Variants in PRKG1 observed in about 807,000 individuals in gnomAD.
PRKG1 encodes the protein protein kinase cGMP-dependent 1.
Under a neutral mutation model 88.1 loss-of-function variants are expected in PRKG1, and 35 were observed. The ratio of observed to expected loss-of-function variants is 0.40; its 90% CI spans 0.30 to 0.53. The LOEUF (loss-of-function observed/expected upper bound fraction) is 0.53, where lower values mean the gene tolerates loss of function less well. Ranked by LOEUF, PRKG1 falls within the 20% of genes least tolerant of loss-of-function variation. PRKG1 has a pLI of 0.59. For synonymous variants in PRKG1, 303 were observed against 292.5 expected, an observed-to-expected ratio of 1.04 and a Z score of -0.37; for missense variants, 540 against 839.8, an observed-to-expected ratio of 0.64 and a Z score of 4.41.
At chr10:51,268,433 G>A (rs182275818) in intron 2 of PRKG1, among the ~76,000 whole-genome samples, 365 of 152,152 alleles carry the variant, frequency 2.4e-3, no homozygotes, top group African/African-American at 7.8e-3. Context: ...CCCCTGAAGC[G>A]GCCATTTCAG....
Position 51,554,087 on chromosome 10 carries a change from A to ATGTGTATATATTATATGTG in PRKG1, c.592+86251_592+86252insTGTGTATATATTATATGTG, listed in dbSNP as rs1837231808. Reference sequence around the variant, plus strand: ...TATATATTATATGTGCGTATGTGATACGTGTATATATTATATGTGCGTATG... The same window carrying ATGTGTATATATTATATGTG: ...TATATATTATATGTGCGTATGTGATATGTGTATATATTATATGTGCGTGTATATATTATATGTGCGTATG... On this transcript the variant is annotated intron_variant, in intron 3 of 17. Coordinates refer to ENST00000373980, the MANE Select transcript of PRKG1 (RefSeq NM_006258.4). 2.3e-5 allele frequency among the ~76,000 whole-genome samples: 3 copies of ATGTGTATATATTATATGTG among 132,296 alleles called. 1 individual carries two copies. The highest frequency in any genetic ancestry group is 3.2e-5 in the Non-Finnish European group (2 of 63,062). 86.8% of individuals were successfully genotyped at this position (132,296 alleles called of 152,430 possible).
chr10:51,399,336 C>A (rs1037166503), intron 2 of PRKG1, among the ~76,000 whole-genome samples: 1 of 151,966 alleles, frequency 6.6e-6, no homozygotes, highest in Admixed American at 6.6e-5. Flanking sequence ...TCTGTTTCTC[C>A]GGAGAACTCA....
intron 3 of PRKG1, among the ~76,000 whole-genome samples, chr10:51,481,739 ATTT>A (rs11361028): frequency 7.5e-5 from 11 of 146,172 alleles, no homozygotes; most frequent in African/African-American, 2.5e-4. Context: ...AAAAAGGCTC[ATTT>A]TTTTTTTTTT....
intron 4 of PRKG1, among the ~76,000 whole-genome samples, chr10:51,815,250 A>G (rs1474779434): frequency 6.6e-6 from 1 of 152,166 alleles, no homozygotes; most frequent in Non-Finnish European, 1.5e-5. Context: ...GGCTTATTTT[A>G]TTTCTGTATC....
intron 4 of PRKG1, among the ~76,000 whole-genome samples, chr10:51,881,062 G>A (rs1184274547): frequency 6.6e-6 from 1 of 151,838 alleles, no homozygotes; most frequent in Admixed American, 6.6e-5. Context: ...GTGGGGGAGG[G>A]GCCTCTGGAA....
intron 3 of PRKG1, among the ~76,000 whole-genome samples, chr10:51,499,163 C>T (rs1270214533): frequency 6.6e-6 from 1 of 152,186 alleles, no homozygotes; most frequent in African/African-American, 2.4e-5. Flanking sequence ...TGAGATTCCT[C>T]TGGGAGTTGG....
chr10:52,215,974 T>G (rs749145952), intron 9 of PRKG1, among the ~76,000 whole-genome samples: 1 of 152,086 alleles, frequency 6.6e-6, no homozygotes, highest in Non-Finnish European at 1.5e-5. Flanking sequence ...CTCATCCTCA[T>G]AGAATTGTTC....
intron 2 of PRKG1, among the ~76,000 whole-genome samples, chr10:51,239,127 G>A (rs1839082891): frequency 6.6e-6 from 1 of 152,086 alleles, no homozygotes; most frequent in African/African-American, 2.4e-5. Context: ...CTGCTCTGTA[G>A]AAGTAAATTA....
intron 3 of PRKG1, among the ~76,000 whole-genome samples, chr10:51,545,719 G>A (rs1842428839): frequency 2.0e-5 from 3 of 152,086 alleles, no homozygotes; most frequent in South Asian, 2.1e-4. Context: ...ATGTACAAAT[G>A]AGTTTCTTTA....
intron 4 of PRKG1, among the ~76,000 whole-genome samples, chr10:51,883,301 C>T (rs1841482482): frequency 6.6e-6 from 1 of 152,226 alleles, no homozygotes; most frequent in South Asian, 2.1e-4. Context: ...GTGGGGCTCT[C>T]AGTCTCCATA....
At chr10:52,204,896 T>C (rs1839776061) in intron 9 of PRKG1, among the ~76,000 whole-genome samples, 1 of 152,172 alleles carries the variant, frequency 6.6e-6, no homozygotes, top group Admixed American at 6.5e-5. Flanking sequence ...GACAGAGCCA[T>C]ATTTCTCTTA....
At chr10:51,660,810 C>G (rs1840280063) in intron 3 of PRKG1, among the ~76,000 whole-genome samples, 1 of 152,002 alleles carries the variant, frequency 6.6e-6, no homozygotes, top group African/African-American at 2.4e-5. Flanking sequence ...AAAAGGGTTG[C>G]ATGCAGTTAT....
intron 1 of PRKG1, among the ~76,000 whole-genome samples, chr10:51,056,884 T>G (rs1843631890): frequency 6.6e-6 from 1 of 152,190 alleles, no homozygotes. Flanking sequence ...CTCAAAAATC[T>G]TCCTTTTCTT....
intron 3 of PRKG1, among the ~76,000 whole-genome samples, chr10:51,706,928 G>A (rs1408866885): frequency 6.6e-6 from 1 of 152,136 alleles, no homozygotes; most frequent in African/African-American, 2.4e-5. Context: ...AGTAATAGTA[G>A]ATGAAGTAGC....
At chr10:51,780,434 T>C (rs1838557112) in intron 3 of PRKG1, among the ~76,000 whole-genome samples, 1 of 152,132 alleles carries the variant, frequency 6.6e-6, no homozygotes, top group African/African-American at 2.4e-5. Flanking sequence ...TATTTTTCTG[T>C]CTTCAGTATT....
chr10:52,151,814 A>G (rs185382881), intron 8 of PRKG1, among the ~76,000 whole-genome samples: 104 of 152,312 alleles, frequency 6.8e-4, no homozygotes, highest in Non-Finnish European at 9.7e-4. Context: ...CTGAGATTTG[A>G]TTCTAATTTC....
At chr10:51,517,735 G>A (rs1368058095) in intron 3 of PRKG1, among the ~76,000 whole-genome samples, 1 of 152,008 alleles carries the variant, frequency 6.6e-6, no homozygotes, top group African/African-American at 2.4e-5. Context: ...ATTAGATTTT[G>A]ACTAATGTAT....
At chr10:51,551,411 A>G (rs1008625416) in intron 3 of PRKG1, among the ~76,000 whole-genome samples, 2 of 151,894 alleles carry the variant, frequency 1.3e-5, no homozygotes, top group African/African-American at 2.4e-5. Flanking sequence ...ATATAATACA[A>G]CCATTTGATA....
intron 1 of PRKG1, among the ~76,000 whole-genome samples, chr10:50,995,259 G>T (rs2132709555): frequency 6.6e-6 from 1 of 152,250 alleles, no homozygotes; most frequent in Non-Finnish European, 1.5e-5. Flanking sequence ...CAATTAGCCA[G>T]ATTTCTATGT....
Sources: gnomAD v4.1 joint callset for allele counts (sites outside exome capture counted in the v4.1 genomes callset) on GRCh38, gnomAD v4.1.1 for gene constraint, MANE v1.5 for transcripts, NCBI Gene and HGNC (gene_info 2026-07-23, HGNC 2026-07-21) for gene names.